Variants in FNIP1 observed in about 807,000 individuals in gnomAD.
FNIP1 encodes the protein folliculin-interacting protein 1.
Under a neutral mutation model 124.5 loss-of-function variants are expected in FNIP1, and 40 were observed. That is an observed-to-expected ratio of 0.32 (90% CI 0.25 to 0.42). The LOEUF is 0.42. Ranked by LOEUF, FNIP1 falls within the 10% of genes least tolerant of loss-of-function variation. The pLI, the probability that FNIP1 is intolerant of heterozygous loss-of-function variation, is 1.00. For synonymous variants in FNIP1, 472 were observed against 470.6 expected (o/e 1.00, Z -0.04); for missense variants, 1,176 against 1,403.7 (o/e 0.84, Z 2.59).
chr5:131,683,612 T>TTC (rs1768166191), intron 11 of FNIP1, among the ~76,000 whole-genome samples: 1 of 148,744 alleles, frequency 6.7e-6, no homozygotes, highest in East Asian at 2.0e-4. Context: ...GCAGTGTAAA[T>TTC]ACTATGTTAA....
chr5:131,707,159 G>C (rs1265272941), intron 8 of FNIP1, among the ~76,000 whole-genome samples: 2 of 152,214 alleles, frequency 1.3e-5, no homozygotes, highest in Non-Finnish European at 2.9e-5. Context: ...CTTGGGGATG[G>C]ATTATTCCCT....
chr5:131,791,927 G>T, intron 1 of FNIP1, among the ~76,000 whole-genome samples: 1 of 151,568 alleles, frequency 6.6e-6, no homozygotes, highest in East Asian at 1.9e-4. Flanking sequence ...ATACTATGTA[G>T]AATGGGCAAA....
At chr5:131,649,992 T>C (rs745416746) in intron 16 of FNIP1, among the ~76,000 whole-genome samples, 1 of 152,220 alleles carries the variant, frequency 6.6e-6, no homozygotes, top group African/African-American at 2.4e-5. Flanking sequence ...CCTGTCCTTA[T>C]GCCAGTAGCA....
chr5:131,688,940 A>G (rs1561655736), intron 11 of FNIP1, among the ~76,000 whole-genome samples: 1 of 151,962 alleles, frequency 6.6e-6, no homozygotes, highest in Non-Finnish European at 1.5e-5. Flanking sequence ...ATAGCTTCGA[A>G]TTAAAAAAAA....
chr5:131,742,981 G>A (rs1447259953), intron 2 of FNIP1, among the ~76,000 whole-genome samples: 1 of 152,116 alleles, frequency 6.6e-6, no homozygotes, highest in Non-Finnish European at 1.5e-5. Context: ...AGGAAATAAA[G>A]GTGAGTAACA....
At chr5:131,699,964 T>A (rs1580766450) in intron 10 of FNIP1, among the ~76,000 whole-genome samples, 3 of 135,848 alleles carry the variant, frequency 2.2e-5, no homozygotes. Flanking sequence ...TACAATAAGA[T>A]AGCTAAAGGT....
intron 13 of FNIP1, among the ~76,000 whole-genome samples, chr5:131,677,059 T>A (rs1247149285): frequency 6.6e-6 from 1 of 152,202 alleles, no homozygotes; most frequent in Non-Finnish European, 1.5e-5. Flanking sequence ...CCATTTTACA[T>A]GTATTATCTC....
At chr5:131,770,366 G>A (rs1410553677) in intron 1 of FNIP1, among the ~76,000 whole-genome samples, 1 of 152,178 alleles carries the variant, frequency 6.6e-6, no homozygotes, top group South Asian at 2.1e-4. Flanking sequence ...TCATGAAATA[G>A]AGACATTTTA....
chr5:131,691,154 G>A (rs534581104), intron 11 of FNIP1, among the ~76,000 whole-genome samples: 138 of 152,242 alleles, frequency 9.1e-4, no homozygotes, highest in Non-Finnish European at 1.7e-3. Flanking sequence ...ATCATACAAT[G>A]TATGTTCTCA....
rs1029984006 is a variant in FNIP1, at chr5:131,677,656, C to T, written c.1519+47G>A. 5.4e-6 allele frequency: 8 copies of T among 1,489,168 alleles called. No homozygotes were observed. The African/African-American group carries it at 9.8e-5, about 18-fold the overall frequency. 92.2% of individuals were successfully genotyped at this position (1,489,168 alleles called of 1,614,324 possible). A position where few individuals can be genotyped will look rare whatever the true frequency, so the allele number is the denominator to read the frequency against. ...TTTGCTATAAAATAATTACAGATAG[C>T]TACAAAAAAGTCTAATACATAGTGT... On this transcript the variant is annotated intron_variant, in intron 13 of 17. Coordinates refer to ENST00000510461, the MANE Select transcript of FNIP1 (RefSeq NM_133372.3).
intron 15 of FNIP1, among the ~76,000 whole-genome samples, chr5:131,656,420 T>A (rs780411579): frequency 2.6e-5 from 4 of 152,214 alleles, no homozygotes; most frequent in Non-Finnish European, 5.9e-5. Context: ...TTTTGCAGAA[T>A]ACCTTTTAAA....
chr5:131,744,565 G>T lies in FNIP1; in HGVS notation c.218C>A (p.Ser73Ter). 1 of 1,586,166 alleles carries T rather than the reference G, an allele frequency of 6.3e-7. No individual in the cohort carries two copies. The highest frequency in any genetic ancestry group is 8.6e-7 in the Non-Finnish European group (1 of 1,165,880). Residue 73 changes from serine (S) to a stop codon, truncating the protein, a stop_gained and splice_region_variant, in exon 2 of 18, where the codon TCG becomes TAG. Transcript: ENST00000510461. LOFTEE classifies it high-confidence loss of function. Reference sequence around the variant, plus strand: ...AACCAAATCAATAATGATGCTCACCGATACTGATATGTCCTCATTTCTTCT... The same window carrying T: ...AACCAAATCAATAATGATGCTCACCTATACTGATATGTCCTCATTTCTTCT... ...VKRRNEDISV[S>*]KLGSDAQVKV...
chr5:131,759,112 A>G (rs1157885639), intron 1 of FNIP1, among the ~76,000 whole-genome samples: 1 of 152,180 alleles, frequency 6.6e-6, no homozygotes, highest in Admixed American at 6.6e-5. Flanking sequence ...AAGATGGAGT[A>G]AAGATTTAAA....
At position 131,796,997 on chromosome 5, in the gene FNIP1, C is replaced by T; in HGVS notation, c.-76G>A. The stretch of plus-strand genomic sequence containing the variant: ...TGCTCCTACAGCCGCCCCGCCACCC[C>T]CATGGGCGCCTCAGTCATATGACAG... On this transcript the variant is annotated 5_prime_UTR_variant, in exon 1 of 18. Transcript: ENST00000510461. 2.3e-6 allele frequency: 3 copies of T among 1,322,168 alleles called. No individual in the cohort carries two copies. The highest frequency in any genetic ancestry group is 3.1e-6 in the Non-Finnish European group (3 of 956,050). 81.9% of individuals were successfully genotyped at this position (1,322,168 alleles called of 1,614,324 possible).
At chr5:131,782,751 A>G (rs1053623132) in intron 1 of FNIP1, among the ~76,000 whole-genome samples, 4 of 152,226 alleles carry the variant, frequency 2.6e-5, no homozygotes, top group Admixed American at 2.6e-4. Flanking sequence ...ACCATTATGA[A>G]TAACTTTGAG....
intron 1 of FNIP1, among the ~76,000 whole-genome samples, chr5:131,752,659 A>G (rs986057616): frequency 1.3e-5 from 2 of 152,220 alleles, no homozygotes; most frequent in Non-Finnish European, 1.5e-5. Context: ...AAACAATCCA[A>G]TTTTAAAAGG....
intron 3 of FNIP1, among the ~76,000 whole-genome samples, chr5:131,720,613 G>A (rs1769625565): frequency 6.6e-6 from 1 of 152,178 alleles, no homozygotes; most frequent in Non-Finnish European, 1.5e-5. Flanking sequence ...TGCAAACCAT[G>A]TATCTGATAA....
intron 1 of FNIP1, among the ~76,000 whole-genome samples, chr5:131,765,399 T>C (rs1348456286): frequency 6.6e-6 from 1 of 152,226 alleles, no homozygotes; most frequent in Non-Finnish European, 1.5e-5. Flanking sequence ...CATAAACTGT[T>C]TTCTTTCAGT....
chr5:131,735,572 A>G (rs943497675), intron 2 of FNIP1, among the ~76,000 whole-genome samples: 1 of 148,718 alleles, frequency 6.7e-6, no homozygotes, highest in African/African-American at 2.5e-5. Context: ...ATATTTATAT[A>G]TGTATACATA....
Sources: gnomAD v4.1 joint callset for allele counts (sites outside exome capture counted in the v4.1 genomes callset) on GRCh38, gnomAD v4.1.1 for gene constraint, MANE v1.5 for transcripts, NCBI Gene and HGNC (gene_info 2026-07-23, HGNC 2026-07-21) for gene names.